Variants in FAM240B observed in about 807,000 individuals in gnomAD.
FAM240B encodes the protein protein FAM240B.
intron 1 of FAM240B, among the ~76,000 whole-genome samples, chr9:38,714,732 T>C (rs4129107): frequency 0.9 from 137,437 of 152,092 alleles, 62,311 homozygotes; most frequent in African/African-American, 0.98. Context: ...TTACAAAATA[T>C]GTGAACACTG....
intron 2 of FAM240B, among the ~76,000 whole-genome samples, chr9:38,698,731 T>C (rs1821092626): frequency 6.6e-6 from 1 of 151,574 alleles, no homozygotes; most frequent in South Asian, 2.1e-4. Context: ...GGAAAAAAAA[T>C]AGGAATCTGG....
At chr9:38,704,140 A>G in intron 1 of FAM240B, 138 bp from the exon 2 acceptor site, 1 of 392,558 alleles carries the variant, frequency 2.5e-6, no homozygotes, top group Non-Finnish European at 4.5e-6. Context: ...CTGTAGACAC[A>G]TCACACACTT....
rs939662237 is a variant in FAM240B, at chr9:38,703,868, G to A, written c.132C>T (p.Ser44=). 2.0e-5 allele frequency: 8 copies of A among 400,362 alleles called. No individual in the cohort carries two copies. In the South Asian group the frequency reaches 3.8e-4, roughly 19 times the overall value. The allele number at this position is 400,362 out of a possible 1,614,324, so 24.8% of individuals were successfully genotyped here. A position where few individuals can be genotyped will look rare whatever the true frequency, so the allele number is the denominator to read the frequency against. ...RELEEDRQER[S]ALKKLREEWR... ...AACAATTCACATACTTTTTCAGGGC[G>A]CTTCTTTCTTGACGATCTTCCTCCA... is the stretch of plus-strand genomic sequence containing the variant. The change falls in exon 2 of 3, where the codon AGC becomes AGT. Residue 44 remains serine, a synonymous_variant. Transcript: ENST00000637493.
At chr9:38,707,788 G>A (rs368545125) in intron 1 of FAM240B, among the ~76,000 whole-genome samples, 5 of 109,200 alleles carry the variant, frequency 4.6e-5, no homozygotes, top group Admixed American at 9.9e-5. Flanking sequence ...AGCAAGACTC[G>A]GTCTCAAAAA....
chr9:38,711,650 T>G (rs10973990), intron 1 of FAM240B, among the ~76,000 whole-genome samples: 68,826 of 139,508 alleles, frequency 0.49, 16,277 homozygotes, highest in South Asian at 0.59. Flanking sequence ...TCCCTCTCTC[T>G]TTCTTCTTCT....
chr9:38,711,428 G>A (rs577416585), intron 1 of FAM240B, among the ~76,000 whole-genome samples: 36 of 152,256 alleles, frequency 2.4e-4, no homozygotes, highest in African/African-American at 8.7e-4. Context: ...ACCTGACTGT[G>A]GCCCGTATGC....
intron 1 of FAM240B, among the ~76,000 whole-genome samples, chr9:38,712,080 C>G (rs1821261978): frequency 6.6e-6 from 1 of 152,152 alleles, no homozygotes; most frequent in African/African-American, 2.4e-5. Flanking sequence ...TAGGAGGAGG[C>G]TCAGGGGAAA....
chr9:38,697,460 T>C (rs934239242), intron 2 of FAM240B, among the ~76,000 whole-genome samples: 1 of 152,214 alleles, frequency 6.6e-6, no homozygotes, highest in East Asian at 1.9e-4. Context: ...TTCTCCTTCA[T>C]GGAGGTCAGA....
chr9:38,699,569 C>T (rs1486649840), intron 2 of FAM240B, among the ~76,000 whole-genome samples: 1 of 152,302 alleles, frequency 6.6e-6, no homozygotes, highest in Non-Finnish European at 1.5e-5. Context: ...TGAGCAAATG[C>T]TGCCCACAGG....
At chr9:38,707,618 A>ACC (rs1564000631) in intron 1 of FAM240B, among the ~76,000 whole-genome samples, 7 of 143,614 alleles carry the variant, frequency 4.9e-5, no homozygotes, top group Non-Finnish European at 8.9e-5. Flanking sequence ...AAAAACAAAA[A>ACC]AAAAAAACAA....
intron 1 of FAM240B, among the ~76,000 whole-genome samples, chr9:38,710,554 G>A (rs896941904): frequency 6.6e-6 from 1 of 152,154 alleles, no homozygotes; most frequent in Non-Finnish European, 1.5e-5. Flanking sequence ...AAACTCATGG[G>A]TAGAGGGCAA....
chr9:38,711,360 C>T (rs77791151), intron 1 of FAM240B, among the ~76,000 whole-genome samples: 1 of 152,302 alleles, frequency 6.6e-6, no homozygotes, highest in East Asian at 1.9e-4. Flanking sequence ...TCTTTTTCAC[C>T]CAAGGTGAAA....
At chr9:38,718,973 G>A (rs951817915) in intron 1 of FAM240B, among the ~76,000 whole-genome samples, 6 of 151,992 alleles carry the variant, frequency 3.9e-5, no homozygotes, top group African/African-American at 9.7e-5. Context: ...GAAAAGATAC[G>A]TAAGTCTTCT....
intron 1 of FAM240B, among the ~76,000 whole-genome samples, chr9:38,717,467 AC>A (rs1489052880): frequency 6.6e-6 from 1 of 152,022 alleles, no homozygotes; most frequent in East Asian, 1.9e-4. Flanking sequence ...TAGTGGTCTC[AC>A]CCTAAAAAGG....
chr9:38,710,845 G>C (rs10122233), intron 1 of FAM240B, among the ~76,000 whole-genome samples: 5,425 of 152,216 alleles, frequency 0.036, 319 homozygotes, highest in African/African-American at 0.12. Flanking sequence ...CCCACAACAA[G>C]CGTCTTCTTA....
At chr9:38,701,477 G>A (rs1331355804) in intron 2 of FAM240B, among the ~76,000 whole-genome samples, 1 of 152,138 alleles carries the variant, frequency 6.6e-6, no homozygotes, top group Non-Finnish European at 1.5e-5. Context: ...AAAACCACAA[G>A]GTTTTAATTC....
intron 1 of FAM240B, among the ~76,000 whole-genome samples, chr9:38,716,883 G>A (rs1821309253): frequency 6.6e-6 from 1 of 152,170 alleles, no homozygotes; most frequent in Admixed American, 6.5e-5. Context: ...TGGAACGAAG[G>A]CTCATGAGTG....
At chr9:38,696,212 G>A (rs767409232) in intron 2 of FAM240B, among the ~76,000 whole-genome samples, 1 of 152,120 alleles carries the variant, frequency 6.6e-6, no homozygotes, top group Admixed American at 6.5e-5. Flanking sequence ...TTTAAAAATT[G>A]ATTCACTTTC....
At chr9:38,714,896 G>A (rs186644051) in intron 1 of FAM240B, among the ~76,000 whole-genome samples, 4 of 152,296 alleles carry the variant, frequency 2.6e-5, no homozygotes, top group Admixed American at 2.6e-4. Flanking sequence ...CAGACAATAA[G>A]TAGTGGAAGA....
Sources: gnomAD v4.1 joint callset for allele counts (sites outside exome capture counted in the v4.1 genomes callset) on GRCh38, gnomAD v4.1.1 for gene constraint, MANE v1.5 for transcripts, NCBI Gene and HGNC (gene_info 2026-07-23, HGNC 2026-07-21) for gene names.